DCC: variants seen among roughly 807,000 people sequenced by gnomAD.
DCC encodes netrin receptor DCC.
Under a neutral mutation model 172.5 loss-of-function variants are expected in DCC, and 58 were observed. That is an observed-to-expected ratio of 0.34 (90% CI 0.27 to 0.42). The LOEUF is 0.42. Ranked by LOEUF, DCC falls within the 10% of genes least tolerant of loss-of-function variation. The pLI, the probability that DCC is intolerant of heterozygous loss-of-function variation, is 1.00. For missense variants in DCC, 1,740 were observed against 1,791.0 expected, an observed-to-expected ratio of 0.97 and a Z score of 0.51; for synonymous variants, 709 against 644.5, an observed-to-expected ratio of 1.10 and a Z score of -1.52.
intron 11 of DCC, among the ~76,000 whole-genome samples, chr18:53,210,102 T>G (rs2055724678): frequency 6.6e-6 from 1 of 152,238 alleles, no homozygotes; most frequent in African/African-American, 2.4e-5. Flanking sequence ...TCGTTTGCAT[T>G]CATTTTTACA....
chr18:52,660,580 C>A (rs942658198), intron 1 of DCC, among the ~76,000 whole-genome samples: 6 of 152,272 alleles, frequency 3.9e-5, no homozygotes, highest in African/African-American at 1.4e-4. Flanking sequence ...ACTGAGACTG[C>A]AGTCACAAAC....
Position 53,205,283 on chromosome 18 carries a change from C to A in DCC, c.1641C>A (p.Thr547=). 2 of 1,613,784 alleles carry A rather than the reference C, an allele frequency of 1.2e-6. No homozygotes were observed. Among genetic ancestry groups the A allele is most frequent in the South Asian group, 1.1e-5 (1 of 91,078 alleles). The change falls in exon 10 of 29, where the codon ACC becomes ACA. Residue 547 remains threonine, a synonymous_variant. Transcript: ENST00000442544. The part of the protein sequence containing the change: ...VSTSPTSILI[T]WEPPAYANGP... ...CCTCACCTACCTCAATTCTTATTAC[C>A]TGGGAACCCCCTGCCTATGCAAACG... is the stretch of plus-strand genomic sequence containing the variant.
Position 53,387,328 on chromosome 18 carries a change from G to C in DCC, c.2455+1190G>C, listed in dbSNP as rs180954573. Among the ~76,000 whole-genome samples, 1,416 of 152,248 alleles carry C rather than the reference G, an allele frequency of 9.3e-3. 14 individuals are homozygous for C. Among genetic ancestry groups the C allele is most frequent in the Non-Finnish European group, 0.016 (1,074 of 68,020 alleles). ...AAATACTGTCACTATATTGATTTTA[G>C]TAGTATTATTTAAGGCAAAGTTGCT... On this transcript the variant is annotated intron_variant, in intron 16 of 28. Transcript: ENST00000442544.
In DCC at chr18:53,499,378, C is replaced by G. The variant is rs779041169; in HGVS notation, c.3979C>G (p.Pro1327Ala). 6.2e-7 allele frequency: 1 copy of G among 1,614,092 alleles called. No homozygotes were observed. The highest frequency in any genetic ancestry group is 1.1e-5 in the South Asian group (1 of 91,084). ...TGAGCATTCTAGCAGCGAGGAGGCA[C>G]CAAGCAGAACCATCCCCACAGCTTG... ...QPEHSSSEEA[P>A]SRTIPTACVR... The change falls in exon 27 of 29, where the codon CCA becomes GCA. Residue 1327 changes from proline to alanine, a missense_variant. Physicochemically the swap from Pro to Ala is conservative, Grantham distance 27 (BLOSUM62 -1). This residue lies in a region of DCC where 1,732 missense variants were observed against 1,767.4 expected (regional missense o/e 0.98). Coordinates refer to ENST00000442544, the MANE Select transcript of DCC (RefSeq NM_005215.4).
chr18:52,701,499 C>A (rs951901936), intron 1 of DCC, among the ~76,000 whole-genome samples: 2 of 152,060 alleles, frequency 1.3e-5, no homozygotes, highest in Admixed American at 6.6e-5. Context: ...AGACGAAATG[C>A]AATAACAAAC....
At chr18:52,518,416 G>A (rs1041547790) in intron 1 of DCC, among the ~76,000 whole-genome samples, 1 of 152,206 alleles carries the variant, frequency 6.6e-6, no homozygotes, top group Non-Finnish European at 1.5e-5. Context: ...ATATAAAAAG[G>A]CATGGAATGA....
At chr18:53,158,384 A>T (rs1156582015) in intron 8 of DCC, among the ~76,000 whole-genome samples, 2 of 152,086 alleles carry the variant, frequency 1.3e-5, no homozygotes, top group Non-Finnish European at 2.9e-5. Context: ...TTGAAATTTG[A>T]TGTTTAAGTC....
At chr18:53,479,797 C>T (rs1437142321) in intron 25 of DCC, among the ~76,000 whole-genome samples, 1 of 152,138 alleles carries the variant, frequency 6.6e-6, no homozygotes, top group African/African-American at 2.4e-5. Flanking sequence ...ACTTAGATTA[C>T]CTAATTATTT....
chr18:52,495,198 T>A (rs562935810), intron 1 of DCC, among the ~76,000 whole-genome samples: 2 of 152,232 alleles, frequency 1.3e-5, no homozygotes, highest in East Asian at 3.9e-4. Context: ...GTAATTAGCT[T>A]TTTATCCTCT....
intron 5 of DCC, among the ~76,000 whole-genome samples, chr18:52,975,104 A>G (rs72928122): frequency 0.035 from 5,359 of 152,278 alleles, 125 homozygotes; most frequent in African/African-American, 0.054. Context: ...AGTCCACTTC[A>G]TATTAGCCTT....
chr18:52,812,154 G>A (rs1018653006), intron 2 of DCC, among the ~76,000 whole-genome samples: 20 of 152,204 alleles, frequency 1.3e-4, no homozygotes, highest in Middle Eastern at 3.4e-3. Context: ...AATTTAGTTT[G>A]GAGCACTTTT....
intron 21 of DCC, among the ~76,000 whole-genome samples, chr18:53,432,882 C>G (rs1198898326): frequency 6.6e-6 from 1 of 152,026 alleles, no homozygotes; most frequent in Non-Finnish European, 1.5e-5. Context: ...GTCTTTAGAT[C>G]AAGAGATCTT....
intron 2 of DCC, among the ~76,000 whole-genome samples, chr18:52,828,265 T>C (rs1381398387): frequency 6.6e-6 from 1 of 152,212 alleles, no homozygotes; most frequent in African/African-American, 2.4e-5. Flanking sequence ...CAAGATGTTA[T>C]ATTGATTCCA....
At chr18:53,453,334 A>T (rs2045441009) in intron 23 of DCC, among the ~76,000 whole-genome samples, 1 of 152,234 alleles carries the variant, frequency 6.6e-6, no homozygotes, top group Non-Finnish European at 1.5e-5. Flanking sequence ...TTCCAATCTG[A>T]AACAGAAATA....
At chr18:53,015,623 G>A (rs1490308059) in intron 5 of DCC, among the ~76,000 whole-genome samples, 3 of 151,964 alleles carry the variant, frequency 2.0e-5, no homozygotes, top group South Asian at 2.1e-4. Context: ...ATATCCTTAC[G>A]TACAAACATT....
chr18:52,642,018 A>G (rs867250399), intron 1 of DCC, among the ~76,000 whole-genome samples: 1,540 of 11,026 alleles, frequency 0.14, 44 homozygotes, highest in Admixed American at 0.18. Context: ...GTGTGTGTAT[A>G]TATATATATA....
At chr18:52,501,451 G>T (rs1246253154) in intron 1 of DCC, among the ~76,000 whole-genome samples, 1 of 152,148 alleles carries the variant, frequency 6.6e-6, no homozygotes, top group Non-Finnish European at 1.5e-5. Context: ...TCTCTAAGCA[G>T]AAGTTTATGC....
chr18:53,261,895 C>T (rs199675053), intron 12 of DCC, among the ~76,000 whole-genome samples: 2 of 152,202 alleles, frequency 1.3e-5, no homozygotes, highest in Middle Eastern at 3.4e-3. Flanking sequence ...AGGTAGATCC[C>T]AGAGCTATCA....
Position 53,215,725 on chromosome 18 carries a change from A to G in DCC, c.1911+128A>G, listed in dbSNP as rs1305467998. On this transcript the variant is annotated intron_variant, in intron 12 of 28. Transcript: ENST00000442544. ...CCATGTGCAGAAATGTTCTGGAACA[A>G]CACAGCAAGTGACATTGATCCCACA... is the stretch of plus-strand genomic sequence containing the variant. 15 of 791,118 alleles carry G rather than the reference A, an allele frequency of 1.9e-5. No homozygotes were observed. The Admixed American group carries it at 2.5e-4, about 13-fold the overall frequency. 49.0% of individuals were successfully genotyped at this position (791,118 alleles called of 1,614,324 possible). A position where few individuals can be genotyped will look rare whatever the true frequency, so the allele number is the denominator to read the frequency against.
Sources: gnomAD v4.1 joint callset for allele counts (sites outside exome capture counted in the v4.1 genomes callset) on GRCh38, gnomAD v4.1.1 for gene constraint, gnomAD v4.1.1 regional missense constraint, MANE v1.5 for transcripts, NCBI Gene and HGNC (gene_info 2026-07-23, HGNC 2026-07-21) for gene names.